The following KDM5B variants were observed in gnomAD, a reference collection of about 807,000 sequenced individuals.
KDM5B encodes lysine demethylase 5B.
Under a neutral mutation model 193.4 loss-of-function variants are expected in KDM5B, and 144 were observed. The observed-to-expected ratio is 0.74, with a 90% CI of 0.65 to 0.86. The LOEUF is 0.86. Ranked by LOEUF, KDM5B falls within the 40% of genes least tolerant of loss-of-function variation. KDM5B has a pLI of 0.00. For missense variants in KDM5B, 1,833 were observed against 1,886.9 expected (o/e 0.97, Z 0.53); for synonymous variants, 668 against 682.6 (o/e 0.98, Z 0.33).
intron 4 of KDM5B, chr1:202,767,262 G>A (rs1361975192): frequency 3.1e-6 from 5 of 1,600,948 alleles, no homozygotes; most frequent in Non-Finnish European, 4.3e-6. Context: ...TTACTACAAG[G>A]AAGGGTATAG....
At chr1:202,794,949 A>G (rs1657779502) in intron 1 of KDM5B, among the ~76,000 whole-genome samples, 1 of 152,206 alleles carries the variant, frequency 6.6e-6, no homozygotes, top group South Asian at 2.1e-4. Context: ...GTGGTGGCTC[A>G]CACCTGTAAT....
intron 1 of KDM5B, 60 bp downstream of exon 1, chr1:202,808,042 C>A: frequency 6.4e-7 from 1 of 1,559,916 alleles, no homozygotes; most frequent in Non-Finnish European, 8.7e-7. Flanking sequence ...TCCCCGGACC[C>A]GCGCGTCCCC....
rs759577691 is a variant in KDM5B at position 202,736,396 on chromosome 1, A to G, written c.3085-4T>C. On this transcript the variant is annotated splice_region_variant and splice_polypyrimidine_tract_variant and intron_variant, in intron 20 of 26. Transcript: ENST00000367265. ...ACACTGGCACACGTCCTCCAGCCTA[A>G]TAAGTCAAGAAAAATTACAGCAGTT... The G allele has an allele frequency of 5.2e-6, 8 of 1,539,466 alleles. No individual in the cohort carries two copies. The highest frequency in any genetic ancestry group is 1.7e-4 in the Middle Eastern group (1 of 5,782).
Position 202,807,512 on chromosome 1 carries a change from G to A in KDM5B, c.204+590C>T, listed in dbSNP as rs148223996. Among the ~76,000 whole-genome samples, 355 of 152,108 alleles carry A rather than the reference G, an allele frequency of 2.3e-3. 6 individuals carry two copies. In the East Asian group the frequency reaches 0.046, roughly 20 times the overall value. ...GAGGCCCGGGGACCAGGCGGTGGAG[G>A]GGTGCCCTGGTCTGGAGGGTGGGGC... is the stretch of plus-strand genomic sequence containing the variant. On this transcript the variant is annotated intron_variant, in intron 1 of 26. Transcript: ENST00000367265.
chr1:202,775,475 T>C (rs1656903847), intron 2 of KDM5B, among the ~76,000 whole-genome samples: 1 of 151,876 alleles, frequency 6.6e-6, no homozygotes, highest in South Asian at 2.1e-4. Context: ...AGGTGGAGGT[T>C]GCAGTGAGCA....
At chr1:202,795,789 CT>C (rs529673570) in intron 1 of KDM5B, among the ~76,000 whole-genome samples, 2,438 of 146,038 alleles carry the variant, frequency 0.017, 26 homozygotes, top group African/African-American at 0.023. Context: ...TCCTAATTAA[CT>C]TTTTTTTTTT....
At position 202,808,314 on chromosome 1, in the gene KDM5B, G is replaced by GC; in HGVS notation, c.-10dup. 2 of 1,581,496 alleles carry GC rather than the reference G, an allele frequency of 1.3e-6. No individual in the cohort carries two copies. The highest frequency in any genetic ancestry group is 1.7e-6 in the Non-Finnish European group (2 of 1,165,732). On this transcript the variant is annotated 5_prime_UTR_variant, in exon 1 of 27. Coordinates refer to ENST00000367265, the MANE Select transcript of KDM5B (RefSeq NM_006618.5). ...GTGGTGGCCGCCTCCATCACCGCAG[G>GC]CTGGGCAAGGGCGAGGCGAAGGTGG... is the stretch of plus-strand genomic sequence containing the variant.
chr1:202,732,646 T>C (rs978316782), intron 23 of KDM5B, among the ~76,000 whole-genome samples: 1 of 151,948 alleles, frequency 6.6e-6, no homozygotes, highest in Non-Finnish European at 1.5e-5. Context: ...GGTCTTCATC[T>C]TATCAACAAT....
chr1:202,762,845 C>T (rs1460340905), intron 6 of KDM5B, 37 bp from the exon 7 acceptor site: 2 of 969,888 alleles, frequency 2.1e-6, no homozygotes, highest in Non-Finnish European at 3.2e-6. Flanking sequence ...CTTTATGATG[C>T]TTTTCTCCAC....
At chr1:202,793,875 A>C (rs1275512704) in intron 1 of KDM5B, among the ~76,000 whole-genome samples, 1 of 152,212 alleles carries the variant, frequency 6.6e-6, no homozygotes, top group Admixed American at 6.5e-5. Context: ...AGAGGAACCC[A>C]GAAGAGTGGG....
At position 202,767,068 on chromosome 1, in the gene KDM5B, T is replaced by C. The variant is rs1183273424; in HGVS notation, c.577-8A>G. ...GTTTGGCTTCTGCAAACACTAGAAA[T>C]AACAACTGTACTGATAAATTCCCTC... On this transcript the variant is annotated splice_polypyrimidine_tract_variant and splice_region_variant and intron_variant, in intron 4 of 26. Coordinates refer to ENST00000367265, the MANE Select transcript of KDM5B (RefSeq NM_006618.5). 1.2e-6 allele frequency: 2 copies of C among 1,608,420 alleles called. No individual in the cohort carries two copies. The highest frequency in any genetic ancestry group is 8.5e-7 in the Non-Finnish European group (1 of 1,178,760).
intron 5 of KDM5B, among the ~76,000 whole-genome samples, chr1:202,764,940 A>G (rs575354757): frequency 3.2e-4 from 49 of 152,202 alleles, no homozygotes; most frequent in South Asian, 1.2e-3. Context: ...CCACACCACT[A>G]TACTCCAGCC....
intron 16 of KDM5B, among the ~76,000 whole-genome samples, chr1:202,744,305 A>G (rs1655464598): frequency 6.6e-6 from 1 of 152,202 alleles, no homozygotes; most frequent in African/African-American, 2.4e-5. Flanking sequence ...CACGCCTGTA[A>G]TCCCAGTACT....
chr1:202,731,856 T>C lies in KDM5B; in HGVS notation c.3993A>G (p.Ser1331=). ...GGAGGGGGATACAACTTCGTCCAGTTGAGAAGGGGGAGTGCAAATATGAGG... is the reference window on the plus strand; with the variant it reads ...GGAGGGGGATACAACTTCGTCCAGTCGAGAAGGGGGAGTGCAAATATGAGG... ...NRTSYLHSPF[S]TGRSCIPLHG... The change falls in exon 24 of 27, where the codon TCA becomes TCG. Residue 1331 remains serine (S), a synonymous_variant. Coordinates refer to ENST00000367265, the MANE Select transcript of KDM5B (RefSeq NM_006618.5). The C allele has an allele frequency of 6.2e-7, 1 of 1,613,250 alleles. No homozygotes were observed. Among genetic ancestry groups the C allele is most frequent in the African/African-American group, 1.3e-5 (1 of 74,972 alleles).
At position 202,742,502 on chromosome 1, in the gene KDM5B, A is replaced by C; in HGVS notation, c.2478T>G (p.Tyr826Ter). 2 of 1,613,726 alleles carry C rather than the reference A, an allele frequency of 1.2e-6. No homozygotes were observed. The highest frequency in any genetic ancestry group is 8.5e-7 in the Non-Finnish European group (1 of 1,179,772). The change falls in exon 18 of 27, where the codon TAT (tyrosine) becomes TAG (stop). Residue 826 changes from tyrosine (Y) to a stop codon, truncating the protein, a stop_gained. Transcript: ENST00000367265. LOFTEE classifies it high-confidence loss of function. ...TTTGGGATTTCCCTCCACCAGATCG[A>C]TATCTGTAAAGACAAAGGCCCAAGG... ...QLLNGKRQTR[Y>*]RSGGGKSQNQ...
chr1:202,767,869 A>T (rs1173014662), intron 4 of KDM5B, among the ~76,000 whole-genome samples: 1 of 152,142 alleles, frequency 6.6e-6, no homozygotes, highest in East Asian at 1.9e-4. Context: ...GCCCCTTATA[A>T]GCTCCCAAAA....
chr1:202,758,453 G>A lies in KDM5B; in HGVS notation c.1135C>T (p.Leu379Phe). The change falls in exon 9 of 27, where the codon CTC becomes TTC. Residue 379 changes from leucine (L) to phenylalanine (F), a missense_variant. Physicochemically the swap from Leu to Phe is conservative, Grantham distance 22. Around this residue, in one of 3 missense-constraint regions of KDM5B, gnomAD observed 99 missense variants for 162.4 expected, o/e 0.61. Transcript: ENST00000367265. ...GFEQAARDYT[L>F]RTFGEMADAF... ...TCTGCCATTTCCCCAAAAGTACGGAGGGTATAGTCCCTGGCTGCTTGTTCA... is the reference window on the plus strand; with the variant it reads ...TCTGCCATTTCCCCAAAAGTACGGAAGGTATAGTCCCTGGCTGCTTGTTCA... 6.2e-7 allele frequency: 1 copy of A among 1,612,930 alleles called. No homozygotes were observed. Among genetic ancestry groups the A allele is most frequent in the Non-Finnish European group, 8.5e-7 (1 of 1,179,130 alleles).
At chr1:202,805,976 C>T (rs908940877) in intron 1 of KDM5B, among the ~76,000 whole-genome samples, 7 of 152,286 alleles carry the variant, frequency 4.6e-5, no homozygotes, top group Admixed American at 3.9e-4. Flanking sequence ...CTCTTTAACC[C>T]CTTTCCTCAG....
chr1:202,749,137 C>T lies in KDM5B; in HGVS notation c.1824G>A (p.Leu608=). The change falls in exon 14 of 27, where the codon CTG becomes CTA. Residue 608 remains leucine (L), a splice_region_variant and synonymous_variant. Transcript: ENST00000367265. ...EAVNFCTVDW[L]PLGRQCVEHY... ...GCTCCACACACTGTCGGCCTAATGG[C>T]AGCTGTATCAAAACACGGAAAGAAA... 1 of 1,606,294 alleles carries T rather than the reference C, an allele frequency of 6.2e-7. No homozygotes were observed. Among genetic ancestry groups the T allele is most frequent in the South Asian group, 1.1e-5 (1 of 89,692 alleles).
Sources: allele counts gnomAD v4.1 joint callset (sites outside exome capture counted in the v4.1 genomes callset), GRCh38; gene constraint gnomAD v4.1.1; regional missense constraint gnomAD v4.1.1; transcripts MANE v1.5; gene names NCBI Gene and HGNC (gene_info 2026-07-23, HGNC 2026-07-21).